Variants in SLC17A1 observed in about 807,000 individuals in gnomAD.
The protein encoded by SLC17A1 is sodium-dependent phosphate transport protein 1.
Under a neutral mutation model 53.5 loss-of-function variants are expected in SLC17A1, and 51 were observed. That is an observed-to-expected ratio of 0.95 (90% CI 0.76 to 1.20). SLC17A1 has a LOEUF of 1.20. SLC17A1 is among the 50% of genes most tolerant of loss of function. SLC17A1 has a pLI of 0.00. For synonymous variants in SLC17A1, 179 were observed against 198.8 expected, an observed-to-expected ratio of 0.90 and a Z score of 0.84; for missense variants, 538 against 568.2, an observed-to-expected ratio of 0.95 and a Z score of 0.54.
chr6:25,819,535 G>A lies in SLC17A1; in HGVS notation c.505C>T (p.Arg169Ter), dbSNP rs141228539. ...VKWAPPLERGRLTSMSTSGFL... is the reference protein window; with the variant it reads ...VKWAPPLERG The stretch of plus-strand genomic sequence containing the variant: ...CCTGATGTACTCATAGAAGTAAGTC[G>A]GCCTCGTTCCAGGGGAGGAGCCCAT... Residue 169 changes from arginine (R) to a stop codon, truncating the protein, a stop_gained, in exon 5 of 13, where the codon CGA becomes TGA. Coordinates refer to ENST00000244527, the MANE Select transcript of SLC17A1 (RefSeq NM_005074.5). LOFTEE classifies it high-confidence loss of function. The A allele has an allele frequency of 3.7e-6, 6 of 1,613,708 alleles. No homozygotes were observed. The African/African-American group carries it at 5.3e-5, about 14-fold the overall frequency.
At chr6:25,741,662 G>A in the SLC17A1 span, among the ~76,000 whole-genome samples, 5 of 152,130 alleles carry the variant, frequency 3.3e-5, no homozygotes, top group African/African-American at 9.6e-5. Flanking sequence ...GTTGCCGTGA[G>A]CCCAGATCAC....
chr6:25,776,843 C>G, the SLC17A1 span: 2 of 1,613,972 alleles, frequency 1.2e-6, no homozygotes, highest in Non-Finnish European at 8.5e-7. Context: ...TCCTCGTGTC[C>G]CTGCCCTGGG....
the SLC17A1 span, chr6:25,726,401 G>C: frequency 9.9e-6 from 16 of 1,613,988 alleles, no homozygotes; most frequent in Non-Finnish European, 3.4e-6. Flanking sequence ...GCCCCTATCC[G>C]CTCTGCATAG....
chr6:25,819,767 G>A lies in SLC17A1; in HGVS notation c.356C>T (p.Ser119Phe), dbSNP rs1482137340. 1.2e-6 allele frequency: 2 copies of A among 1,614,166 alleles called. No individual in the cohort carries two copies. The highest frequency in any genetic ancestry group is 1.3e-5 in the African/African-American group (1 of 75,040). The change falls in exon 4 of 13, where the codon TCT becomes TTT. Residue 119 changes from serine to phenylalanine, a missense_variant. Physicochemically the swap from Ser to Phe is radical, Grantham distance 155 (BLOSUM62 -2). Transcript: ENST00000244527. ...TGGTGGGATGAGCAGGCTTAACACA[G>A]AGCTGAGGCATAATGCAAAGCCAAT... ...KMIGFALCLS[S>F]VLSLLIPPAA...
chr6:25,777,815 C>A, the SLC17A1 span: 1 of 816,374 alleles, frequency 1.2e-6, no homozygotes, highest in Admixed American at 1.9e-5. Context: ...AGCAGACCAG[C>A]TGATATTAAC....
At chr6:25,828,546 C>T (rs1764833482) in intron 2 of SLC17A1, among the ~76,000 whole-genome samples, 3 of 151,580 alleles carry the variant, frequency 2.0e-5, no homozygotes, top group Admixed American at 2.0e-4. Flanking sequence ...TAAGAATAAA[C>T]CTGACTTAGT....
the SLC17A1 span, among the ~76,000 whole-genome samples, chr6:25,754,078 G>C: frequency 7.9e-5 from 12 of 152,180 alleles, no homozygotes; most frequent in Non-Finnish European, 8.8e-5. Flanking sequence ...GACAGATGGG[G>C]CCTGGGATGT....
chr6:25,790,569 A>G (rs1355453247), intron 12 of SLC17A1, among the ~76,000 whole-genome samples: 1 of 152,170 alleles, frequency 6.6e-6, no homozygotes, highest in African/African-American at 2.4e-5. Context: ...TCTGATTTTA[A>G]TATTAAAAGT....
chr6:25,733,612 A>G, the SLC17A1 span, among the ~76,000 whole-genome samples: 1 of 152,164 alleles, frequency 6.6e-6, no homozygotes, highest in South Asian at 2.1e-4. Context: ...TAATGTTTAT[A>G]AGGTTTATAA....
intron 3 of SLC17A1, among the ~76,000 whole-genome samples, chr6:25,823,705 T>C (rs2151504636): frequency 6.6e-6 from 1 of 152,164 alleles, no homozygotes; most frequent in East Asian, 1.9e-4. Context: ...TTATAAGATA[T>C]GATTAGCAAA....
chr6:25,813,568 G>C (rs2151493514), intron 6 of SLC17A1, among the ~76,000 whole-genome samples: 1 of 152,218 alleles, frequency 6.6e-6, no homozygotes, highest in South Asian at 2.1e-4. Flanking sequence ...CAGTTGTTTT[G>C]TTTTGTTTTG....
chr6:25,770,404 G>A, the SLC17A1 span: 3 of 1,614,082 alleles, frequency 1.9e-6, no homozygotes, highest in South Asian at 3.3e-5. Flanking sequence ...TAACTGGTCA[G>A]TATTCAATTT....
chr6:25,726,278 G>C, the SLC17A1 span: 1 of 1,614,098 alleles, frequency 6.2e-7, no homozygotes, highest in South Asian at 1.1e-5. Flanking sequence ...GCTAGCTGCA[G>C]GTGGCGGGGA....
chr6:25,812,656 C>T (rs1377289669), intron 8 of SLC17A1, among the ~76,000 whole-genome samples, 175 bp downstream of exon 8: 1 of 152,164 alleles, frequency 6.6e-6, no homozygotes, highest in Non-Finnish European at 1.5e-5. Flanking sequence ...TACATCAATG[C>T]CTTCTGTTTT....
At chr6:25,729,113 ACC>A in the SLC17A1 span, among the ~76,000 whole-genome samples, 1 of 152,216 alleles carries the variant, frequency 6.6e-6, no homozygotes, top group Non-Finnish European at 1.5e-5. Flanking sequence ...TACCCTGATT[ACC>A]CAAGGACTTT....
the SLC17A1 span, chr6:25,770,608 C>A: frequency 1.3e-6 from 1 of 778,892 alleles, no homozygotes; most frequent in Non-Finnish European, 2.2e-6. Flanking sequence ...CCCATACTGC[C>A]TTACTTGATT....
the SLC17A1 span, chr6:25,726,046 G>C: frequency 2.4e-6 from 3 of 1,252,724 alleles, no homozygotes; most frequent in Non-Finnish European, 2.2e-6. Context: ...GTAACGTACA[G>C]CCTTTTTCTG....
chr6:25,788,391 C>T (rs902480285), intron 12 of SLC17A1, among the ~76,000 whole-genome samples: 6 of 152,130 alleles, frequency 3.9e-5, no homozygotes, highest in Admixed American at 1.3e-4. Context: ...TTTCTTGGTG[C>T]CCTAAACACA....
chr6:25,727,402 T>TG, the SLC17A1 span: 1 of 975,782 alleles, frequency 1.0e-6, no homozygotes, highest in Admixed American at 3.2e-5. Flanking sequence ...CGTAAGGGTT[T>TG]TTTTTTTTTT....
Sources: gnomAD v4.1 joint callset for allele counts (sites outside exome capture counted in the v4.1 genomes callset) on GRCh38, gnomAD v4.1.1 for gene constraint, MANE v1.5 for transcripts, NCBI Gene and HGNC (gene_info 2026-07-23, HGNC 2026-07-21) for gene names.